The following ARHGAP10 variants were observed in gnomAD, a reference collection of about 807,000 sequenced individuals.
The protein encoded by ARHGAP10 is Rho GTPase activating protein 10.
In ARHGAP10, 87 loss-of-function variants were observed where a neutral mutation model predicts 108.6. The ratio of observed to expected loss-of-function variants is 0.80; its 90% CI spans 0.67 to 0.96. ARHGAP10 has a LOEUF of 0.96. Ranked by LOEUF, ARHGAP10 falls within the 40% of genes least tolerant of loss-of-function variation. ARHGAP10 has a pLI of 0.00. For synonymous variants in ARHGAP10, 347 were observed against 341.1 expected, an observed-to-expected ratio of 1.02 and a Z score of -0.19; for missense variants, 939 against 954.5, an observed-to-expected ratio of 0.98 and a Z score of 0.21.
chr4:147,894,921 G>C (rs1560814267), intron 10 of ARHGAP10, among the ~76,000 whole-genome samples: 1 of 152,100 alleles, frequency 6.6e-6, no homozygotes, highest in Non-Finnish European at 1.5e-5. Context: ...CTTGATTACT[G>C]TGTCATTAGT....
intron 1 of ARHGAP10, among the ~76,000 whole-genome samples, chr4:147,796,816 C>T (rs1439247598): frequency 2.0e-5 from 3 of 152,218 alleles, no homozygotes; most frequent in South Asian, 2.1e-4. Context: ...TGAGCCACTG[C>T]GCCCGGCCTG....
chr4:147,962,794 G>A (rs1273402052), intron 16 of ARHGAP10, among the ~76,000 whole-genome samples: 1 of 152,122 alleles, frequency 6.6e-6, no homozygotes. Flanking sequence ...CTCCTGGGTA[G>A]CTGGGATTAC....
At chr4:147,857,369 C>G (rs904503592) in intron 4 of ARHGAP10, among the ~76,000 whole-genome samples, 184 bp from the exon 5 acceptor site, 1 of 152,134 alleles carries the variant, frequency 6.6e-6, no homozygotes, top group Non-Finnish European at 1.5e-5. Context: ...CTCTTCTATC[C>G]TAATGCTGTC....
Position 147,757,487 on chromosome 4 carries a change from C to T in ARHGAP10, c.154+25032C>T, listed in dbSNP as rs199607031. On this transcript the variant is annotated intron_variant, in intron 1 of 22. Transcript: ENST00000336498. ...CTCGGATTACAGGTGTGAGCCACCG[C>T]GCCTGGCTGGGGCAGTGTAGCTTTG... Among the ~76,000 whole-genome samples, 20 of 152,270 alleles carry T rather than the reference C, an allele frequency of 1.3e-4. No homozygotes were observed. The East Asian group carries it at 3.5e-3, about 26-fold the overall frequency.
At chr4:147,857,743 C>G (rs1734153563) in intron 5 of ARHGAP10, 89 bp downstream of exon 5, 14 of 1,144,876 alleles carry the variant, frequency 1.2e-5, no homozygotes, top group Non-Finnish European at 1.6e-5. Flanking sequence ...GATAACTTTT[C>G]ATCTGGCATT....
chr4:148,004,709 C>G (rs962077979), intron 18 of ARHGAP10, among the ~76,000 whole-genome samples: 1 of 152,166 alleles, frequency 6.6e-6, no homozygotes, highest in Non-Finnish European at 1.5e-5. Context: ...TGCCAACAAC[C>G]TGAATGAGTT....
intron 19 of ARHGAP10, among the ~76,000 whole-genome samples, chr4:148,032,614 A>G (rs953272421): frequency 6.6e-6 from 1 of 152,140 alleles, no homozygotes; most frequent in African/African-American, 2.4e-5. Flanking sequence ...AATGAATAAG[A>G]TAGATGTATA....
At chr4:147,732,562 G>T in intron 1 of ARHGAP10, 107 bp downstream of exon 1, 2 of 1,480,434 alleles carry the variant, frequency 1.4e-6, no homozygotes, top group South Asian at 2.5e-5. Context: ...GCAGCCAGAG[G>T]AACGGGGAAT....
At chr4:148,040,282 C>T (rs1728573965) in intron 19 of ARHGAP10, among the ~76,000 whole-genome samples, 1 of 152,158 alleles carries the variant, frequency 6.6e-6, no homozygotes, top group Admixed American at 6.5e-5. Context: ...CTGGCTGTAG[C>T]CCCTCTGCCC....
At chr4:147,824,335 T>A (rs961310268) in intron 3 of ARHGAP10, among the ~76,000 whole-genome samples, 13 of 147,806 alleles carry the variant, frequency 8.8e-5, no homozygotes, top group African/African-American at 2.4e-4. Flanking sequence ...AAAAAAAAAA[T>A]ACGGATTCTT....
intron 1 of ARHGAP10, among the ~76,000 whole-genome samples, chr4:147,804,905 T>C (rs1335175806): frequency 6.6e-6 from 1 of 152,222 alleles, no homozygotes; most frequent in Non-Finnish European, 1.5e-5. Context: ...GGAAATATTT[T>C]CTCCTATTCT....
intron 19 of ARHGAP10, among the ~76,000 whole-genome samples, chr4:148,025,274 T>A (rs2149665257): frequency 6.6e-6 from 1 of 152,314 alleles, no homozygotes; most frequent in South Asian, 2.1e-4. Context: ...AGTCTGGTTT[T>A]TATGTTCATT....
intron 1 of ARHGAP10, among the ~76,000 whole-genome samples, chr4:147,793,270 A>G (rs1731190316): frequency 6.6e-6 from 1 of 151,862 alleles, no homozygotes; most frequent in Non-Finnish European, 1.5e-5. Context: ...AGTTCACAAA[A>G]TACTTAGCAA....
At chr4:147,778,443 C>T (rs56912243) in intron 1 of ARHGAP10, among the ~76,000 whole-genome samples, 96 of 152,230 alleles carry the variant, frequency 6.3e-4, no homozygotes, top group African/African-American at 2.3e-3. Context: ...TGGAGACCTG[C>T]CTGCCAAGGG....
At position 147,955,366 on chromosome 4, in the gene ARHGAP10, T is replaced by A; in HGVS notation, c.1442T>A (p.Val481Asp). 5 of 1,611,054 alleles carry A rather than the reference T, an allele frequency of 3.1e-6. No homozygotes were observed. Among genetic ancestry groups the A allele is most frequent in the African/African-American group, 1.3e-5 (1 of 74,926 alleles). Residue 481 changes from valine to aspartate, a missense_variant, in exon 16 of 23, where the codon GTT becomes GAT. Val to Asp is a radical substitution (Grantham distance 152). Coordinates refer to ENST00000336498, the MANE Select transcript of ARHGAP10 (RefSeq NM_024605.4). Reference sequence around the variant, plus strand: ...TATGAGTTACATGGAGATTTCATTGTTCCAGCCAGTAAGTATTATGTAAAG... The same window carrying A: ...TATGAGTTACATGGAGATTTCATTGATCCAGCCAGTAAGTATTATGTAAAG... ...MTYELHGDFIVPAKSGSPESR... is the reference protein window; with the variant it reads ...MTYELHGDFIDPAKSGSPESR...
chr4:147,957,821 A>G lies in ARHGAP10; in HGVS notation c.1450+2447A>G, dbSNP rs185577018. On this transcript the variant is annotated intron_variant, in intron 16 of 22. Transcript: ENST00000336498. ...GGTTCATGATACAAATATAAATTTCATTTCTATTTTGTCACCACAAAAGGC... is the reference window on the plus strand; with the variant it reads ...GGTTCATGATACAAATATAAATTTCGTTTCTATTTTGTCACCACAAAAGGC... Among the ~76,000 whole-genome samples the G allele has an allele frequency of 1.4e-3, 214 of 152,198 alleles. 1 individual carries two copies. The highest frequency in any genetic ancestry group is 4.6e-3 in the African/African-American group (189 of 41,534).
chr4:147,982,365 C>CTTTTTTTTTT (rs70958599), intron 18 of ARHGAP10, among the ~76,000 whole-genome samples: 3 of 124,624 alleles, frequency 2.4e-5, no homozygotes, highest in Admixed American at 8.2e-5. Context: ...TTCTTTCTTT[C>CTTTTTTTTTT]TTTTTTTTTT....
At chr4:147,850,734 A>G (rs150758597) in intron 4 of ARHGAP10, among the ~76,000 whole-genome samples, 2 of 152,334 alleles carry the variant, frequency 1.3e-5, no homozygotes, top group East Asian at 1.9e-4. Context: ...GAAGGAACCA[A>G]TTCTGGACAC....
intron 18 of ARHGAP10, among the ~76,000 whole-genome samples, chr4:147,989,822 G>A (rs1184318498): frequency 6.6e-6 from 1 of 152,180 alleles, no homozygotes; most frequent in African/African-American, 2.4e-5. Context: ...ACAGGATTAA[G>A]ACATTAAAGC....
Sources: gnomAD v4.1 joint callset for allele counts (sites outside exome capture counted in the v4.1 genomes callset) on GRCh38, gnomAD v4.1.1 for gene constraint, MANE v1.5 for transcripts, NCBI Gene and HGNC (gene_info 2026-07-23, HGNC 2026-07-21) for gene names.